The following LAMP2 variants were observed in gnomAD, a reference collection of about 807,000 sequenced individuals.
The protein encoded by LAMP2 is lysosome-associated membrane glycoprotein 2.
A neutral mutation model predicts 25.6 loss-of-function variants in LAMP2; 4 were observed. The observed-to-expected ratio is 0.16, with a 90% CI of 0.08 to 0.36. LAMP2 has a LOEUF of 0.36. Ranked by LOEUF, LAMP2 falls within the 10% of genes least tolerant of loss-of-function variation. The pLI is 1.00. For missense variants in LAMP2, 272 were observed against 301.4 expected (o/e 0.90, Z 0.72); for synonymous variants, 108 against 112.7 (o/e 0.96, Z 0.27).
At chrX:120,441,031 TG>T (rs773779450) in intron 8 of LAMP2, among the ~76,000 whole-genome samples, 1 of 112,530 alleles carries the variant, frequency 8.9e-6, no homozygotes, top group African/African-American at 3.2e-5. Context: ...AACAGAGTTG[TG>T]ATCCACAAAC....
chrX:120,443,698 C>T (rs1276540938), intron 6 of LAMP2, among the ~76,000 whole-genome samples: 1 of 111,938 alleles, frequency 8.9e-6, no homozygotes, highest in Non-Finnish European at 1.9e-5. Context: ...GCTTGAACTA[C>T]CCAGCCATGG....
intron 7 of LAMP2, 29 bp downstream of exon 7, chrX:120,442,570 C>T: frequency 8.7e-7 from 1 of 1,145,152 alleles, no homozygotes; most frequent in South Asian, 1.8e-5. Flanking sequence ...AATCCACAGT[C>T]TTTTTCCCCA....
At chrX:120,451,808 T>C (rs1237465706) in intron 3 of LAMP2, among the ~76,000 whole-genome samples, 1 of 112,060 alleles carries the variant, frequency 8.9e-6, no homozygotes, top group East Asian at 2.8e-4. Flanking sequence ...TCAAAAACAA[T>C]TATTAATAGT....
Position 120,452,886 on chromosome X carries a change from A to G in LAMP2, c.397+2471T>C, listed in dbSNP as rs371262449. On this transcript the variant is annotated intron_variant, in intron 3 of 8. Coordinates refer to ENST00000200639, the MANE Select transcript of LAMP2 (RefSeq NM_002294.3). The stretch of plus-strand genomic sequence containing the variant: ...GGCACTCTTAACCACAGGGATCTAC[A>G]TATGGGTTCAGGGACTATGTTCCAT... Among the ~76,000 whole-genome samples the G allele has an allele frequency of 2.0e-4, 22 of 110,378 alleles. No individual in the cohort carries two copies. In the East Asian group the frequency reaches 6.2e-3, roughly 31 times the overall value.
chrX:120,426,244 C>T lies in LAMP2; in HGVS notation c.*5079G>A, dbSNP rs747621180. ...AAGTACCACAGTATGCTTTATTTTG[C>T]AGGTATTAATTGGTTCTCTAAATCG... On this transcript the variant is annotated 3_prime_UTR_variant, in exon 9 of 9. Transcript: ENST00000200639. Among the ~76,000 whole-genome samples, 6 of 100,124 alleles carry T rather than the reference C, an allele frequency of 6.0e-5. No homozygotes were observed. The highest frequency in any genetic ancestry group is 1.1e-4 in the Admixed American group (1 of 8,725). The allele number at this position is 100,124 out of a possible 115,157, so 86.9% of individuals were successfully genotyped here.
rs895703713 is a variant in LAMP2 at position 120,427,769 on chromosome X, C to A, written c.*3554G>T. ...CCATACAGGTGTTCCAAATCAACAC[C>A]TTTTTTAAAAAAAGCTGGAGGTCTT... On this transcript the variant is annotated 3_prime_UTR_variant, in exon 9 of 9. Coordinates refer to ENST00000200639, the MANE Select transcript of LAMP2 (RefSeq NM_002294.3). 2.7e-5 allele frequency: 3 copies of A among 110,965 alleles called. No homozygotes were observed. The highest frequency in any genetic ancestry group is 5.7e-5 in the Non-Finnish European group (3 of 52,886). 9.1% of individuals were successfully genotyped at this position (110,965 alleles called of 1,213,427 possible). A position where few individuals can be genotyped will look rare whatever the true frequency, so the allele number is the denominator to read the frequency against.
At chrX:120,439,019 A>T in intron 8 of LAMP2, 1 of 1,102,414 alleles carries the variant, frequency 9.1e-7, no homozygotes, top group Non-Finnish European at 1.2e-6. Context: ...TTTTTTGTTT[A>T]AGTTTGAAAT....
At chrX:120,467,410 C>T (rs959955170) in intron 1 of LAMP2, among the ~76,000 whole-genome samples, 1 of 111,406 alleles carries the variant, frequency 9.0e-6, no homozygotes, top group African/African-American at 3.3e-5. Flanking sequence ...TTGTTACAAC[C>T]AAAAATGTCT....
chrX:120,428,974 C>G lies in LAMP2; in HGVS notation c.*2349G>C, dbSNP rs2058510342. 1.5e-6 allele frequency: 1 copy of G among 684,222 alleles called. No individual in the cohort carries two copies. Among genetic ancestry groups the G allele is most frequent in the Non-Finnish European group, 1.7e-6 (1 of 578,583 alleles). The allele number at this position is 684,222 out of a possible 1,213,427, so 56.4% of individuals were successfully genotyped here. On this transcript the variant is annotated 3_prime_UTR_variant, in exon 9 of 9. Coordinates refer to ENST00000200639, the MANE Select transcript of LAMP2 (RefSeq NM_002294.3). Reference sequence around the variant, plus strand: ...GCCTGTGTATTTCCCTACTCTCTTTCTCTTCGTCACACCTATAATTAAAGT... The same window carrying G: ...GCCTGTGTATTTCCCTACTCTCTTTGTCTTCGTCACACCTATAATTAAAGT...
In LAMP2 at chrX:120,439,422, T is replaced by C; in HGVS notation, c.1093+2308A>G. The C allele has an allele frequency of 1.2e-5, 7 of 585,761 alleles. No individual in the cohort carries two copies. In the South Asian group the frequency reaches 1.8e-4, roughly 15 times the overall value. 48.3% of individuals were successfully genotyped at this position (585,761 alleles called of 1,213,427 possible). On this transcript the variant is annotated intron_variant, in intron 8 of 8. Coordinates refer to ENST00000200639, the MANE Select transcript of LAMP2 (RefSeq NM_002294.3). ...CAACTTCAAGTAACTAAGACAGGTATATTTTTATGATAAAGCTATAGAAAA... is the reference window on the plus strand; with the variant it reads ...CAACTTCAAGTAACTAAGACAGGTACATTTTTATGATAAAGCTATAGAAAA...
In LAMP2 at chrX:120,426,275, T is replaced by A. The variant is rs113285013; in HGVS notation, c.*5048A>T. 7.4e-3 allele frequency among the ~76,000 whole-genome samples: 759 copies of A among 102,697 alleles called. 7 individuals are homozygous for A. Among genetic ancestry groups the A allele is most frequent in the African/African-American group, 0.025 (697 of 28,042 alleles). 89.2% of individuals were successfully genotyped at this position (102,697 alleles called of 115,157 possible). The stretch of plus-strand genomic sequence containing the variant: ...TTAATTGGTTCTCTAAATCGATACA[T>A]CCAAAACTTTAGTTAGCAGCAAGCA... On this transcript the variant is annotated 3_prime_UTR_variant, in exon 9 of 9. Transcript: ENST00000200639.
Position 120,455,289 on chromosome X carries a change from A to T in LAMP2, c.397+68T>A, listed in dbSNP as rs183394029. ...AAGACAGACATTCATAACAATTTTA[A>T]AATTGTTTACATTTTTATCATTAAT... On this transcript the variant is annotated intron_variant, in intron 3 of 8. Coordinates refer to ENST00000200639, the MANE Select transcript of LAMP2 (RefSeq NM_002294.3). 20 of 921,261 alleles carry T rather than the reference A, an allele frequency of 2.2e-5. No homozygotes were observed. The East Asian group carries it at 6.0e-4, about 28-fold the overall frequency. 75.9% of individuals were successfully genotyped at this position (921,261 alleles called of 1,213,427 possible).
chrX:120,448,950 G>A lies in LAMP2; in HGVS notation c.556+20C>T, dbSNP rs1253220845. The A allele has an allele frequency of 8.4e-7, 1 of 1,193,808 alleles. No individual in the cohort carries two copies. Among genetic ancestry groups the A allele is most frequent in the Non-Finnish European group, 1.1e-6 (1 of 880,459 alleles). On this transcript the variant is annotated intron_variant, in intron 4 of 8. Coordinates refer to ENST00000200639, the MANE Select transcript of LAMP2 (RefSeq NM_002294.3). ...ACTCTTAAATTAGGATCCAAGTAGAGAAATATATACTTTACTCACCATTTG... is the reference window on the plus strand; with the variant it reads ...ACTCTTAAATTAGGATCCAAGTAGAAAAATATATACTTTACTCACCATTTG...
chrX:120,462,705 A>G (rs1858932), intron 1 of LAMP2, among the ~76,000 whole-genome samples: 5,099 of 110,742 alleles, frequency 0.046, 324 homozygotes, highest in African/African-American at 0.16. Context: ...CAATAAAAAG[A>G]AACCAAACAA....
rs1392461928 is a variant in LAMP2, at chrX:120,429,371, T to C, written c.*1952A>G. The C allele has an allele frequency of 2.7e-5, 16 of 600,918 alleles. No homozygotes were observed. The highest frequency in any genetic ancestry group is 3.0e-5 in the Non-Finnish European group (15 of 503,507). 49.5% of individuals were successfully genotyped at this position (600,918 alleles called of 1,213,427 possible). On this transcript the variant is annotated 3_prime_UTR_variant, in exon 9 of 9. Transcript: ENST00000200639. ...TAGCCAAAGGACCTTGGGCAAGTTATTTAAACTGGGCCTCACTTTCCTCAT... is the reference window on the plus strand; with the variant it reads ...TAGCCAAAGGACCTTGGGCAAGTTACTTAAACTGGGCCTCACTTTCCTCAT...
intron 1 of LAMP2, among the ~76,000 whole-genome samples, chrX:120,464,765 TTTTGA>T (rs1455712794): frequency 1.8e-5 from 2 of 111,797 alleles, no homozygotes; most frequent in Admixed American, 1.9e-4. Context: ...TTTTGTTTTG[TTTTGA>T]GACAGAGTTT....
At position 120,455,494 on chromosome X, in the gene LAMP2, T is replaced by G. The variant is rs1556112678; in HGVS notation, c.260A>C (p.Lys87Thr). 2.2e-5 allele frequency: 27 copies of G among 1,210,684 alleles called. No individual in the cohort carries two copies. Among genetic ancestry groups the G allele is most frequent in the Non-Finnish European group, 2.6e-5 (23 of 894,751 alleles). Residue 87 changes from lysine to threonine, a missense_variant, in exon 3 of 9, where the codon AAA (lysine) becomes ACA (threonine). By Grantham distance (78) the Lys-to-Thr change is moderately conservative. Coordinates refer to ENST00000200639, the MANE Select transcript of LAMP2 (RefSeq NM_002294.3). ...SICGDDQNGP[K>T]IAVQFGPGFS... ...GCCAGGTCCGAACTGCACTGCTATT[T>G]TGGGACCATTCTGATCATCCCCACA... is the stretch of plus-strand genomic sequence containing the variant.
At chrX:120,438,509 A>C in intron 8 of LAMP2, 1 of 743,424 alleles carries the variant, frequency 1.3e-6, no homozygotes, top group Non-Finnish European at 1.6e-6. Context: ...TCTAAATTTT[A>C]AAAAGCTTTT....
chrX:120,427,086 G>A lies in LAMP2; in HGVS notation c.*4237C>T, dbSNP rs2058501849. Among the ~76,000 whole-genome samples the A allele has an allele frequency of 8.9e-6, 1 of 111,875 alleles. No individual in the cohort carries two copies. The highest frequency in any genetic ancestry group is 1.9e-5 in the Non-Finnish European group (1 of 53,171). On this transcript the variant is annotated 3_prime_UTR_variant, in exon 9 of 9. Transcript: ENST00000200639. ...ATACAGTGGTGAGCTTCTGCATTGT[G>A]CTGAGAGGTAGATTGGGACTTAATC...
Sources: gnomAD v4.1 joint callset for allele counts (sites outside exome capture counted in the v4.1 genomes callset) on GRCh38, gnomAD v4.1.1 for gene constraint, MANE v1.5 for transcripts, NCBI Gene and HGNC (gene_info 2026-07-23, HGNC 2026-07-21) for gene names.